The following LINGO1 variants were observed in gnomAD, a reference collection of about 807,000 sequenced individuals.
LINGO1 encodes leucine rich repeat and Ig domain containing 1, also known as leucine-rich repeat and immunoglobulin-like domain-containing nogo receptor-interacting protein 1.
In LINGO1, 11 loss-of-function variants were observed where a neutral mutation model predicts 37.3. The observed-to-expected ratio is 0.29, with a 90% CI of 0.19 to 0.49. The LOEUF (loss-of-function observed/expected upper bound fraction) is 0.49. Ranked by LOEUF, LINGO1 falls within the 20% of genes least tolerant of loss-of-function variation. The pLI, the probability that LINGO1 is intolerant of heterozygous loss-of-function variation, is 0.99. For missense variants in LINGO1, 585 were observed against 878.2 expected (o/e 0.67, Z 4.22); for synonymous variants, 387 against 403.0 (o/e 0.96, Z 0.48).
At chr15:77,623,188 G>C (rs1161759052) in intron 1 of LINGO1, among the ~76,000 whole-genome samples, 1 of 152,224 alleles carries the variant, frequency 6.6e-6, no homozygotes, top group East Asian at 1.9e-4. Flanking sequence ...AGGGGGAGGT[G>C]CTGTGTGAGC....
At chr15:77,758,569 A>G (rs1474614844) in intron 1 of LINGO1, among the ~76,000 whole-genome samples, 1 of 152,198 alleles carries the variant, frequency 6.6e-6, no homozygotes, top group Middle Eastern at 3.4e-3. Context: ...GCCAGGCTTG[A>G]GTTTGGGCCA....
At chr15:77,711,885 G>GC (rs199814942) in intron 2 of LINGO1, among the ~76,000 whole-genome samples, 34 of 136,078 alleles carry the variant, frequency 2.5e-4, no homozygotes, top group East Asian at 1.4e-3. Flanking sequence ...CTCCTCTGAG[G>GC]GGGGGGCACA....
chr15:77,726,441 C>T (rs2076102890), intron 2 of LINGO1, among the ~76,000 whole-genome samples: 1 of 152,254 alleles, frequency 6.6e-6, no homozygotes, highest in African/African-American at 2.4e-5. Flanking sequence ...AGAAGGAGCA[C>T]AAGTCCTGTC....
chr15:77,642,794 A>G (rs1016424294), intron 3 of LINGO1, among the ~76,000 whole-genome samples: 1 of 152,320 alleles, frequency 6.6e-6, no homozygotes, highest in African/African-American at 2.4e-5. Context: ...AGAGGAAAAG[A>G]GGGAATCCCG....
Position 77,732,817 on chromosome 15 carries a change from C to T in LINGO1, c.-195+2175G>A, listed in dbSNP as rs551674109. ...TTCCCGGCTCCCATGCCCCCCAGCA[C>T]GCATGTTCAGGCTCTGATCTAGCAC... is the stretch of plus-strand genomic sequence containing the variant. On this transcript the variant is annotated intron_variant, in intron 2 of 3. Coordinates refer to the LINGO1 transcript ENST00000561686. 5.3e-5 allele frequency among the ~76,000 whole-genome samples: 8 copies of T among 152,228 alleles called. 1 individual carries two copies. Among genetic ancestry groups the T allele is most frequent in the East Asian group, 1.9e-4 (1 of 5,190 alleles).
At chr15:77,671,703 A>G (rs2075252474) in intron 3 of LINGO1, among the ~76,000 whole-genome samples, 1 of 152,234 alleles carries the variant, frequency 6.6e-6, no homozygotes, top group Non-Finnish European at 1.5e-5. Flanking sequence ...GCTGTGTCCC[A>G]GTTCAGCCTA....
At chr15:77,680,885 A>G (rs1022976493) in intron 2 of LINGO1, among the ~76,000 whole-genome samples, 3 of 152,158 alleles carry the variant, frequency 2.0e-5, no homozygotes, top group African/African-American at 7.2e-5. Flanking sequence ...TACTTTGGCA[A>G]TTATCACCTG....
chr15:77,637,514 TCA>T (rs759300104), upstream of LINGO1, among the ~76,000 whole-genome samples: 7 of 152,194 alleles, frequency 4.6e-5, no homozygotes, highest in Non-Finnish European at 7.3e-5. The surrounding 1 kb of genome is among the most constrained non-coding windows in gnomAD (Gnocchi z 4.6). Flanking sequence ...TTCCTGAGTC[TCA>T]GTTTCCTCCT....
chr15:77,696,107 C>T (rs1453947517), intron 1 of LINGO1: 1 of 152,124 alleles, frequency 6.6e-6, no homozygotes, highest in Non-Finnish European at 1.5e-5. Flanking sequence ...CTGTCGGCTT[C>T]TATTAGGCTA....
intron 1 of LINGO1, among the ~76,000 whole-genome samples, chr15:77,786,300 C>A (rs2076770371): frequency 6.6e-6 from 1 of 152,180 alleles, no homozygotes; most frequent in African/African-American, 2.4e-5. Flanking sequence ...TTGCTCAAGG[C>A]CACCCAGTAA....
At chr15:77,696,861 G>A (rs1280693997), upstream of LINGO1, among the ~76,000 whole-genome samples, 1 of 152,276 alleles carries the variant, frequency 6.6e-6, no homozygotes, top group African/African-American at 2.4e-5. Flanking sequence ...CTTAGAGTCA[G>A]GGGTTAGGGT....
At chr15:77,677,281 G>GC (rs11457073) in intron 2 of LINGO1, 7,727 of 152,566 alleles carry the variant, frequency 0.051, 247 homozygotes, top group East Asian at 0.15. Flanking sequence ...CCATTGCCCA[G>GC]CCCAGTGGGC....
In LINGO1 at chr15:77,685,691, T is replaced by TGAA. The variant is rs370764060; in HGVS notation, c.-99+5028_-99+5029insTTC. Among the ~76,000 whole-genome samples the TGAA allele has an allele frequency of 5.1e-3, 707 of 137,712 alleles. 7 individuals carry two copies. Among genetic ancestry groups the TGAA allele is most frequent in the African/African-American group, 0.018 (677 of 37,274 alleles). 90.3% of individuals were successfully genotyped at this position (137,712 alleles called of 152,430 possible). On this transcript the variant is annotated intron_variant, in intron 2 of 3. Coordinates refer to the LINGO1 transcript ENST00000559893. ...TGGGCAACATAGTGAGACCCCGTCT[T>TGAA]AAAAAAAAAAAAAACGCCAGGAATG... is the stretch of plus-strand genomic sequence containing the variant.
At chr15:77,631,216 C>A (rs911301679) in intron 1 of LINGO1, among the ~76,000 whole-genome samples, 6 of 152,196 alleles carry the variant, frequency 3.9e-5, no homozygotes, top group African/African-American at 1.4e-4. Context: ...GGCTATGCGC[C>A]CTCTGGCTGC....
At chr15:77,801,373 G>GA (rs1403431136) in intron 1 of LINGO1, among the ~76,000 whole-genome samples, 2 of 152,154 alleles carry the variant, frequency 1.3e-5, no homozygotes, top group Admixed American at 6.5e-5. Context: ...TAACAATAGA[G>GA]AAAAAATCAA....
At chr15:77,818,762 T>C (rs939824781) in intron 1 of LINGO1, among the ~76,000 whole-genome samples, 34 of 151,952 alleles carry the variant, frequency 2.2e-4, no homozygotes, top group Non-Finnish European at 1.0e-4. Flanking sequence ...GGGGTCATAG[T>C]AGTCTGGCGC....
chr15:77,663,238 C>T (rs1464128743), intron 3 of LINGO1, among the ~76,000 whole-genome samples: 4 of 152,202 alleles, frequency 2.6e-5, no homozygotes, highest in African/African-American at 4.8e-5. Context: ...GAACTGTGTG[C>T]GGTGCGAGGG....
intron 3 of LINGO1, chr15:77,641,717 G>C: frequency 2.6e-6 from 1 of 388,336 alleles, no homozygotes; most frequent in South Asian, 1.9e-5. Flanking sequence ...CCACTGTGGA[G>C]TCAGGTGGTG....
At chr15:77,794,339 C>G in intron 2 of LINGO1, among the ~76,000 whole-genome samples, 1 of 101,540 alleles carries the variant, frequency 9.8e-6, no homozygotes, top group Non-Finnish European at 2.0e-5. Flanking sequence ...TATGTATATA[C>G]ATACATATAT....
Sources: allele counts gnomAD v4.1 joint callset (sites outside exome capture counted in the v4.1 genomes callset), GRCh38; gene constraint gnomAD v4.1.1; non-coding constraint Gnocchi (gnomAD v3.1); transcripts MANE v1.5; gene names NCBI Gene and HGNC (gene_info 2026-07-23, HGNC 2026-07-21).